Variants in FAM107B observed in about 807,000 individuals in gnomAD.
FAM107B encodes the protein protein FAM107B.
Under a neutral mutation model 31.5 loss-of-function variants are expected in FAM107B, and 21 were observed. The ratio of observed to expected loss-of-function variants is 0.67; its 90% CI spans 0.47 to 0.96. The LOEUF is 0.96. FAM107B is among the 40% of genes least tolerant of loss of function. FAM107B has a pLI of 0.00. For missense variants in FAM107B, 452 were observed against 377.1 expected (o/e 1.20, Z -1.64); for synonymous variants, 157 against 141.5 (o/e 1.11, Z -0.78).
chr10:14,762,134 C>A (rs970577564), intron 1 of FAM107B, among the ~76,000 whole-genome samples: 2 of 151,536 alleles, frequency 1.3e-5, no homozygotes, highest in Non-Finnish European at 2.9e-5. Context: ...CTTCTGCCGC[C>A]ATCCCTAGAT....
intron 2 of FAM107B, among the ~76,000 whole-genome samples, chr10:14,643,109 G>GTAGGTAAGTAGA: frequency 6.6e-6 from 1 of 151,462 alleles, no homozygotes; most frequent in African/African-American, 2.4e-5. Context: ...AGATAGGTAG[G>GTAGGTAAGTAGA]TAGGTAGGTA....
At chr10:14,531,157 A>G (rs1246081620) in intron 2 of FAM107B, among the ~76,000 whole-genome samples, 2 of 152,216 alleles carry the variant, frequency 1.3e-5, no homozygotes, top group African/African-American at 2.4e-5. Context: ...CACCAATCAC[A>G]ATCACAGGAC....
intron 1 of FAM107B, among the ~76,000 whole-genome samples, chr10:14,687,849 G>A (rs577311578): frequency 7.2e-5 from 11 of 152,130 alleles, no homozygotes; most frequent in African/African-American, 1.2e-4. Context: ...ACACACATAC[G>A]TGCACACACA....
At chr10:14,723,949 TG>T in intron 1 of FAM107B, 7 of 749,576 alleles carry the variant, frequency 9.3e-6, no homozygotes, top group Non-Finnish European at 1.7e-5. Flanking sequence ...ATAGATGTGC[TG>T]TTCCATTTGG....
At chr10:14,660,785 T>G (rs1854214386) in intron 2 of FAM107B, among the ~76,000 whole-genome samples, 1 of 152,016 alleles carries the variant, frequency 6.6e-6, no homozygotes, top group African/African-American at 2.4e-5. Context: ...CTTTCTAAAG[T>G]AAAAAGGCAG....
intron 2 of FAM107B, chr10:14,572,500 A>G: frequency 1.5e-6 from 1 of 656,358 alleles, no homozygotes; most frequent in Middle Eastern, 7.6e-4. Flanking sequence ...TGAGGCTGGG[A>G]TTCATGGCAT....
intron 1 of FAM107B, among the ~76,000 whole-genome samples, chr10:14,730,816 G>T (rs140040206): frequency 6.6e-4 from 101 of 152,266 alleles, no homozygotes; most frequent in Non-Finnish European, 1.1e-3. Context: ...TATGTCCTGG[G>T]TAACTCCTCA....
chr10:14,642,042 C>T (rs562986142), intron 2 of FAM107B, among the ~76,000 whole-genome samples: 12 of 152,170 alleles, frequency 7.9e-5, no homozygotes, highest in Non-Finnish European at 1.5e-4. Context: ...AGACAAATTA[C>T]GCACTGCCAA....
At chr10:14,670,733 A>G (rs1854520107) in intron 1 of FAM107B, among the ~76,000 whole-genome samples, 1 of 152,188 alleles carries the variant, frequency 6.6e-6, no homozygotes, top group African/African-American at 2.4e-5. Flanking sequence ...CCCTTTGACT[A>G]GTAAGAGTTG....
At chr10:14,648,914 CT>C (rs1853832701) in intron 2 of FAM107B, among the ~76,000 whole-genome samples, 1 of 152,172 alleles carries the variant, frequency 6.6e-6, no homozygotes, top group South Asian at 2.1e-4. Context: ...CCTAAAGAAG[CT>C]TCCTGGTCTT....
chr10:14,639,010 G>C (rs922836166), intron 2 of FAM107B, among the ~76,000 whole-genome samples: 1 of 152,038 alleles, frequency 6.6e-6, no homozygotes, highest in Non-Finnish European at 1.5e-5. Context: ...GAGTAACATA[G>C]TGAGACCCCA....
At chr10:14,677,704 A>G (rs1588700084) in intron 1 of FAM107B, among the ~76,000 whole-genome samples, 1 of 152,094 alleles carries the variant, frequency 6.6e-6, no homozygotes, top group Non-Finnish European at 1.5e-5. Flanking sequence ...TGGGTTGGTC[A>G]GTGACTAACC....
At chr10:14,584,678 G>GGTT (rs1851766866) in intron 2 of FAM107B, among the ~76,000 whole-genome samples, 1 of 152,182 alleles carries the variant, frequency 6.6e-6, no homozygotes, top group South Asian at 2.1e-4. Context: ...GCTGGAGGCA[G>GGTT]GGAACCTAAG....
chr10:14,683,861 A>G (rs901255657), intron 1 of FAM107B, among the ~76,000 whole-genome samples: 1 of 152,232 alleles, frequency 6.6e-6, no homozygotes, highest in African/African-American at 2.4e-5. Context: ...GAGGCTACAC[A>G]TGCATGTCCC....
intron 2 of FAM107B, among the ~76,000 whole-genome samples, chr10:14,660,841 G>A (rs762137018): frequency 2.6e-5 from 4 of 152,134 alleles, no homozygotes; most frequent in Non-Finnish European, 4.4e-5. Context: ...ACCATGGAAA[G>A]GAAAAAGGAA....
chr10:14,751,630 G>A (rs981753756), intron 1 of FAM107B, among the ~76,000 whole-genome samples: 4 of 152,018 alleles, frequency 2.6e-5, no homozygotes, highest in African/African-American at 9.7e-5. Context: ...GCTTCCCAAA[G>A]TGATGGAAAT....
chr10:14,758,455 T>C (rs1180517965), intron 1 of FAM107B, among the ~76,000 whole-genome samples: 1 of 152,188 alleles, frequency 6.6e-6, no homozygotes, highest in Non-Finnish European at 1.5e-5. Context: ...GGGAGGTTTT[T>C]AAAAATACGG....
intron 2 of FAM107B, among the ~76,000 whole-genome samples, chr10:14,545,199 A>T (rs1343735045): frequency 6.6e-6 from 1 of 152,204 alleles, no homozygotes; most frequent in African/African-American, 2.4e-5. Flanking sequence ...AGCTAGCAGC[A>T]TCATGCAGCT....
intron 2 of FAM107B, among the ~76,000 whole-genome samples, chr10:14,651,191 C>G (rs9732623): frequency 0.38 from 57,646 of 152,002 alleles, 11,188 homozygotes; most frequent in South Asian, 0.44. Flanking sequence ...CTATAAGGAG[C>G]CTGGGAAATA....
Sources: allele counts gnomAD v4.1 joint callset (sites outside exome capture counted in the v4.1 genomes callset), GRCh38; gene constraint gnomAD v4.1.1; transcripts MANE v1.5; gene names NCBI Gene and HGNC (gene_info 2026-07-23, HGNC 2026-07-21).